FCRL5: variants seen among roughly 807,000 people sequenced by gnomAD.
FCRL5 encodes Fc receptor like 5.
A neutral mutation model predicts 92.1 loss-of-function variants in FCRL5; 79 were observed. That is an observed-to-expected ratio of 0.86 (90% CI 0.72 to 1.03). The LOEUF is 1.03. Ranked by LOEUF, FCRL5 falls within the 50% of genes least tolerant of loss-of-function variation. The probability of loss-of-function intolerance (pLI) is 0.00; values close to 1 mark genes in which losing one functional copy is unlikely to be tolerated. For synonymous variants in FCRL5, 466 were observed against 469.3 expected (o/e 0.99, Z 0.09); for missense variants, 1,160 against 1,181.1 (o/e 0.98, Z 0.26).
At position 157,520,151 on chromosome 1, in the gene FCRL5, T is replaced by TGGG. The variant is rs371876702; in HGVS notation, c.2632+277_2632+279dup. 4.6e-3 allele frequency among the ~76,000 whole-genome samples: 704 copies of TGGG among 152,226 alleles called. 4 individuals are homozygous for TGGG. Among genetic ancestry groups the TGGG allele is most frequent in the African/African-American group, 0.016 (672 of 41,518 alleles). On this transcript the variant is annotated intron_variant, in intron 12 of 16. Coordinates refer to ENST00000361835, the MANE Select transcript of FCRL5 (RefSeq NM_031281.3). ...TTTTTCTCCTCCTCTTCCCATTCGT[T>TGGG]GGGGGGGTCTTATAAGGGTCGAGAG... is the stretch of plus-strand genomic sequence containing the variant.
chr1:157,546,256 T>G, intron 3 of FCRL5: 1 of 454,264 alleles, frequency 2.2e-6, no homozygotes, highest in Non-Finnish European at 4.4e-6. Context: ...AACATTAGCC[T>G]GGGCAGCATG....
chr1:157,521,028 AGT>A lies in FCRL5; in HGVS notation c.2502_2503del (p.Ile837HisfsTer47), dbSNP rs748458889. ...CACGGGAAACTTACCTGTGATATAA[AGT>A]GTCACTGTCTCACTGCGCTGGGCCC... On this transcript the variant is annotated frameshift_variant, in exon 11 of 17. Transcript: ENST00000361835. LOFTEE classifies it high-confidence loss of function. The A allele has an allele frequency of 3.6e-5, 57 of 1,605,468 alleles. 1 individual carries two copies. The highest frequency in any genetic ancestry group is 1.1e-5 in the Non-Finnish European group (13 of 1,176,650).
At chr1:157,518,332 C>G (rs950875567) in intron 15 of FCRL5, 97 bp downstream of exon 15, 2 of 1,063,160 alleles carry the variant, frequency 1.9e-6, no homozygotes, top group South Asian at 2.8e-5. Flanking sequence ...AGGGGCGGCT[C>G]TATGCCTGTC....
chr1:157,542,800 G>A, intron 6 of FCRL5, 59 bp downstream of exon 6: 1 of 1,563,150 alleles, frequency 6.4e-7, no homozygotes. Flanking sequence ...CTTCCGAAGG[G>A]CAGGGTGAGG....
At chr1:157,544,584 G>T (rs752030055) in intron 4 of FCRL5, 38 bp from the exon 5 acceptor site, 4 of 1,598,928 alleles carry the variant, frequency 2.5e-6, no homozygotes, top group Admixed American at 1.7e-5. Context: ...GAGCAATGAG[G>T]CTGGAACTGC....
In FCRL5 at chr1:157,544,939, A is replaced by C. The variant is rs1234362939; in HGVS notation, c.451T>G (p.Phe151Val). 4 of 1,614,216 alleles carry C rather than the reference A, an allele frequency of 2.5e-6. 1 individual carries two copies. The South Asian group carries it at 4.4e-5, about 18-fold the overall frequency. Residue 151 changes from phenylalanine to valine, a missense_variant, in exon 4 of 17, where the codon TTC (phenylalanine) becomes GTC (valine). Coordinates refer to ENST00000361835, the MANE Select transcript of FCRL5 (RefSeq NM_031281.3). ...TTGAGACATGCATGAGGAATATGGA[A>C]GTCAGTTCTTTTATTAAGGAATGCC... ...VLAFLNKRTD[F>V]HIPHACLKDN...
In FCRL5 at chr1:157,515,857, C is replaced by G. The variant is rs546835615; in HGVS notation, c.2829G>C (p.Arg943Ser). ...GGAGACTCACCTTGTTCCTGAGATGCCTGGGGTCAGAGGCCACTGTGGAAA... is the reference window on the plus strand; with the variant it reads ...GGAGACTCACCTTGTTCCTGAGATGGCTGGGGTCAGAGGCCACTGTGGAAA... ...KKKHAVASDP[R>S]HLRNKGSPII... The change falls in exon 16 of 17, where the codon AGG becomes AGC. Residue 943 changes from arginine (R) to serine (S), a missense_variant. Physicochemically the swap from Arg to Ser is moderately radical, Grantham distance 110. Transcript: ENST00000361835. The G allele has an allele frequency of 1.2e-6, 2 of 1,613,992 alleles. No homozygotes were observed. Among genetic ancestry groups the G allele is most frequent in the Non-Finnish European group, 8.5e-7 (1 of 1,180,020 alleles).
chr1:157,521,647 T>A (rs1272854784), intron 10 of FCRL5: 1 of 164,690 alleles, frequency 6.1e-6, no homozygotes, highest in Non-Finnish European at 1.3e-5. Context: ...CTGATTAGCT[T>A]GTAGATAAAC....
At chr1:157,540,155 C>T (rs1558138144) in intron 6 of FCRL5, among the ~76,000 whole-genome samples, 1 of 152,228 alleles carries the variant, frequency 6.6e-6, no homozygotes, top group Non-Finnish European at 1.5e-5. Flanking sequence ...CCAGCCACTT[C>T]CCAGGCTACT....
intron 2 of FCRL5, 122 bp from the exon 3 acceptor site, chr1:157,547,319 G>A: frequency 1.6e-6 from 2 of 1,287,086 alleles, no homozygotes; most frequent in Non-Finnish European, 2.2e-6. Flanking sequence ...CTCTGGGAGG[G>A]TCACTGATAG....
intron 1 of FCRL5, among the ~76,000 whole-genome samples, chr1:157,550,611 G>A (rs1434369854): frequency 6.6e-6 from 1 of 152,148 alleles, no homozygotes; most frequent in Non-Finnish European, 1.5e-5. Context: ...TATAATGCAA[G>A]CTCTATGAGA....
Position 157,547,117 on chromosome 1 carries a change from T to C in FCRL5, c.133A>G (p.Lys45Glu), listed in dbSNP as rs770778192. ...FQGERVTLTCKGFRFYSPQKT... is the reference protein window; with the variant it reads ...FQGERVTLTCEGFRFYSPQKT... ...TGTGGTGAGTAGAAGCGAAATCCCT[T>C]GCAAGTGAGGGTCACTCTCTCTCCT... is the stretch of plus-strand genomic sequence containing the variant. The change falls in exon 3 of 17, where the codon AAG (lysine) becomes GAG (glutamate). Residue 45 changes from lysine to glutamate, a missense_variant. Coordinates refer to ENST00000361835, the MANE Select transcript of FCRL5 (RefSeq NM_031281.3). 1 of 1,614,128 alleles carries C rather than the reference T, an allele frequency of 6.2e-7. No homozygotes were observed. Among genetic ancestry groups the C allele is most frequent in the South Asian group, 1.1e-5 (1 of 91,074 alleles).
At chr1:157,521,984 T>A (rs1203001675) in intron 10 of FCRL5, 1 of 152,216 alleles carries the variant, frequency 6.6e-6, no homozygotes, top group African/African-American at 2.4e-5. Context: ...CCTACTGGAT[T>A]GGGTAATGAA....
chr1:157,537,021 G>A (rs1651000334), intron 7 of FCRL5, among the ~76,000 whole-genome samples: 1 of 152,082 alleles, frequency 6.6e-6, no homozygotes, highest in Non-Finnish European at 1.5e-5. Context: ...TTTGTAAACT[G>A]AGGATGAATG....
Position 157,542,884 on chromosome 1 carries a change from A to C in FCRL5, c.1098T>G (p.Ser366Arg). Reference protein sequence around the residue: ...TADNGLGAKPSKAVSLSVTVP... With the variant: ...TADNGLGAKPRKAVSLSVTVP... ...CAGTGACTGAGAGGCTCACAGCCTT[A>C]CTGGGCTTGGCGCCAAGGCCATTGT... Residue 366 changes from serine (S) to arginine (R), a missense_variant, in exon 6 of 17, where the codon AGT (serine) becomes AGG (arginine). Ser to Arg is a moderately radical substitution (Grantham distance 110). Coordinates refer to ENST00000361835, the MANE Select transcript of FCRL5 (RefSeq NM_031281.3). 1 of 1,613,456 alleles carries C rather than the reference A, an allele frequency of 6.2e-7. No individual in the cohort carries two copies. Among genetic ancestry groups the C allele is most frequent in the Non-Finnish European group, 8.5e-7 (1 of 1,179,922 alleles).
chr1:157,521,332 A>C, intron 10 of FCRL5, 40 bp from the exon 11 acceptor site: 1 of 1,553,576 alleles, frequency 6.4e-7, no homozygotes, highest in Non-Finnish European at 8.7e-7. Flanking sequence ...TTCTGCTTCT[A>C]ACATATTTGT....
rs1038965784 is a variant in FCRL5, at chr1:157,518,635, C to T, written c.2743+65G>A. On this transcript the variant is annotated intron_variant, in intron 14 of 16. Transcript: ENST00000361835. Reference sequence around the variant, plus strand: ...CCTCGGCATAGTCCCTCCCCATCTCCTGCCCCACCGCTTTCCCACACCAGC... The same window carrying T: ...CCTCGGCATAGTCCCTCCCCATCTCTTGCCCCACCGCTTTCCCACACCAGC... 7.3e-6 allele frequency: 11 copies of T among 1,514,796 alleles called. No individual in the cohort carries two copies. The African/African-American group carries it at 1.5e-4, about 21-fold the overall frequency. 93.8% of individuals were successfully genotyped at this position (1,514,796 alleles called of 1,614,324 possible). A position where few individuals can be genotyped will look rare whatever the true frequency, so the allele number is the denominator to read the frequency against.
Position 157,527,728 on chromosome 1 carries a change from C to T in FCRL5, c.1849G>A (p.Glu617Lys). The T allele has an allele frequency of 5.0e-6, 8 of 1,614,204 alleles. No individual in the cohort carries two copies. Among genetic ancestry groups the T allele is most frequent in the Non-Finnish European group, 6.8e-6 (8 of 1,180,032 alleles). Reference sequence around the variant, plus strand: ...GTCAGAGAGAGGTTGAAAGAAGCTTCTCCTCCAGAGGGGGCTGAGCTGCTC... The same window carrying T: ...GTCAGAGAGAGGTTGAAAGAAGCTTTTCCTCCAGAGGGGGCTGAGCTGCTC... ...LGSSSAPSGGEASFNLSLTAE... is the reference protein window; with the variant it reads ...LGSSSAPSGGKASFNLSLTAE... Residue 617 changes from glutamate to lysine, a missense_variant, in exon 9 of 17, where the codon GAA becomes AAA. Glu to Lys is a moderately conservative substitution (Grantham distance 56). Coordinates refer to ENST00000361835, the MANE Select transcript of FCRL5 (RefSeq NM_031281.3).
chr1:157,544,378 G>T lies in FCRL5; in HGVS notation c.728C>A (p.Pro243Gln). The T allele has an allele frequency of 6.2e-7, 1 of 1,614,166 alleles. No homozygotes were observed. The highest frequency in any genetic ancestry group is 8.5e-7 in the Non-Finnish European group (1 of 1,180,038). Reference protein sequence around the residue: ...QTLGLGWSLSPNFQITAMWSK... With the variant: ...QTLGLGWSLSQNFQITAMWSK... ...CCACATGGCAGTAATCTGGAAATTC[G>T]GGGAGAGACTCCAGCCTAATCCCAG... The change falls in exon 5 of 17, where the codon CCG (proline) becomes CAG (glutamine). Residue 243 changes from proline (P) to glutamine (Q), a missense_variant. Physicochemically the swap from Pro to Gln is moderately conservative, Grantham distance 76. Coordinates refer to ENST00000361835, the MANE Select transcript of FCRL5 (RefSeq NM_031281.3).
Sources: allele counts gnomAD v4.1 joint callset (sites outside exome capture counted in the v4.1 genomes callset), GRCh38; gene constraint gnomAD v4.1.1; transcripts MANE v1.5; gene names NCBI Gene and HGNC (gene_info 2026-07-23, HGNC 2026-07-21).